The following RYR2 variants were observed in gnomAD, a reference collection of about 807,000 sequenced individuals.
RYR2 encodes the protein cardiac muscle ryanodine receptor-calcium release channel.
RYR2 carries 227 observed loss-of-function variants against 601.1 expected under a neutral mutation model. That is an observed-to-expected ratio of 0.38 (90% CI 0.34 to 0.42). The LOEUF is 0.42. RYR2 is among the 10% of genes least tolerant of loss of function. The probability of loss-of-function intolerance (pLI) is 1.00; values close to 1 mark genes in which losing one functional copy is unlikely to be tolerated. For synonymous variants in RYR2, 2,223 were observed against 2,175.1 expected (o/e 1.02, Z -0.61); for missense variants, 4,646 against 6,156.5 (o/e 0.75, Z 8.21).
At chr1:237,212,835 C>A (rs1034461433) in intron 1 of RYR2, among the ~76,000 whole-genome samples, 1 of 150,300 alleles carries the variant, frequency 6.7e-6, no homozygotes, top group African/African-American at 2.4e-5. Context: ...AGTGCAGTAG[C>A]GTGATCTCGA....
At chr1:237,541,911 C>T (rs541097220) in intron 25 of RYR2, among the ~76,000 whole-genome samples, 191 of 152,102 alleles carry the variant, frequency 1.3e-3, no homozygotes, top group African/African-American at 3.3e-3. Context: ...TCAGTTAAGG[C>T]GGGGCAGGGC....
chr1:237,601,398 G>C lies in RYR2; in HGVS notation c.4597-627G>C, dbSNP rs75365185. ...GAAAAAAGTTAATGTCATGGAAGTA[G>C]TGAATAGAATAGTGGTTATCAGAGA... On this transcript the variant is annotated intron_variant, in intron 34 of 104. Coordinates refer to ENST00000366574, the MANE Select transcript of RYR2 (RefSeq NM_001035.3). Among the ~76,000 whole-genome samples the C allele has an allele frequency of 2.3e-3, 344 of 152,268 alleles. 3 individuals are homozygous for C. Among genetic ancestry groups the C allele is most frequent in the African/African-American group, 8.0e-3 (331 of 41,550 alleles).
intron 2 of RYR2, among the ~76,000 whole-genome samples, chr1:237,273,398 C>T (rs930524664): frequency 6.6e-6 from 1 of 152,164 alleles, no homozygotes; most frequent in Non-Finnish European, 1.5e-5. Flanking sequence ...GGCCTGGTTC[C>T]TAAGGGGCCA....
At chr1:237,248,622 A>G (rs984814443) in intron 1 of RYR2, among the ~76,000 whole-genome samples, 15 of 152,180 alleles carry the variant, frequency 9.9e-5, no homozygotes, top group African/African-American at 3.6e-4. Context: ...AAAACAATGA[A>G]GGAAGGAACC....
chr1:237,591,632 G>T, intron 31 of RYR2, 107 bp from the exon 32 acceptor site: 1 of 847,104 alleles, frequency 1.2e-6, no homozygotes, highest in South Asian at 1.5e-5. Flanking sequence ...GTCCCCCAGG[G>T]AGCAAAATCG....
chr1:237,119,538 G>A (rs1670542108), intron 1 of RYR2, among the ~76,000 whole-genome samples: 1 of 152,166 alleles, frequency 6.6e-6, no homozygotes, highest in East Asian at 1.9e-4. Flanking sequence ...AGATATCCAG[G>A]TGCAGTGTCA....
chr1:237,197,423 CTG>C (rs1168784931), intron 1 of RYR2, among the ~76,000 whole-genome samples: 2 of 152,260 alleles, frequency 1.3e-5, no homozygotes, highest in African/African-American at 2.4e-5. Flanking sequence ...ACTTAATTTT[CTG>C]TGTCTTAATA....
At chr1:237,734,969 A>G (rs189042415) in intron 79 of RYR2, among the ~76,000 whole-genome samples, 25 of 152,304 alleles carry the variant, frequency 1.6e-4, no homozygotes, top group African/African-American at 6.0e-4. Context: ...GAGGAGGCCT[A>G]GGACCTAGCC....
chr1:237,665,171 C>T (rs1339656060), intron 56 of RYR2, among the ~76,000 whole-genome samples: 5 of 152,098 alleles, frequency 3.3e-5, no homozygotes, highest in East Asian at 1.9e-4. Context: ...GAGGCCGAGG[C>T]GGGTGGATCA....
chr1:237,657,332 A>G (rs1035698515), intron 53 of RYR2, among the ~76,000 whole-genome samples: 3 of 152,026 alleles, frequency 2.0e-5, no homozygotes, highest in Non-Finnish European at 4.4e-5. Flanking sequence ...AATGAATAGA[A>G]TTATGTATGT....
At chr1:237,178,453 TGTGTGTGTGTGTG>T (rs1678320626) in intron 1 of RYR2, among the ~76,000 whole-genome samples, 1 of 149,094 alleles carries the variant, frequency 6.7e-6, no homozygotes, top group African/African-American at 2.5e-5. Flanking sequence ...TGTGTGTGTG[TGTGTGTGTGTGTG>T]TGTTTAAAAG....
chr1:237,341,766 A>T, intron 3 of RYR2: 1 of 444,980 alleles, frequency 2.2e-6, no homozygotes. Context: ...TGAACATATG[A>T]TAGAGCTTTT....
chr1:237,829,731 G>A (rs1485191973), intron 102 of RYR2, among the ~76,000 whole-genome samples: 1 of 152,082 alleles, frequency 6.6e-6, no homozygotes, highest in Non-Finnish European at 1.5e-5. Context: ...AAAATACAGG[G>A]TCTCATAAAC....
intron 1 of RYR2, among the ~76,000 whole-genome samples, chr1:237,072,178 G>A (rs905732100): frequency 6.6e-6 from 1 of 152,148 alleles, no homozygotes; most frequent in African/African-American, 2.4e-5. Context: ...CTTGTTCCTC[G>A]TGCCCTCCGG....
intron 61 of RYR2, among the ~76,000 whole-genome samples, chr1:237,678,848 C>G (rs1047939896): frequency 5.3e-5 from 8 of 152,160 alleles, no homozygotes; most frequent in African/African-American, 1.9e-4. Flanking sequence ...TTGCAGTGAG[C>G]CTGAAGACCT....
intron 1 of RYR2, among the ~76,000 whole-genome samples, chr1:237,139,551 G>A (rs1200773219): frequency 6.6e-6 from 1 of 152,312 alleles, no homozygotes; most frequent in Admixed American, 6.5e-5. Context: ...TGAGATCATA[G>A]TCTTACATGA....
At chr1:237,351,854 C>CAAAAAA (rs33955032) in intron 3 of RYR2, among the ~76,000 whole-genome samples, 27 of 40,884 alleles carry the variant, frequency 6.6e-4, no homozygotes, top group Admixed American at 8.7e-4. Context: ...AAAGACCATG[C>CAAAAAA]AAAAAAAAAA....
chr1:237,672,047 A>G (rs1684995230), intron 58 of RYR2, among the ~76,000 whole-genome samples: 1 of 152,116 alleles, frequency 6.6e-6, no homozygotes, highest in South Asian at 2.1e-4. Context: ...CTTCAGCACA[A>G]GATGTCTACA....
intron 56 of RYR2, among the ~76,000 whole-genome samples, chr1:237,665,397 CAAA>C (rs71162408): frequency 1.0e-5 from 1 of 95,594 alleles, no homozygotes. Flanking sequence ...GACTCTGTCT[CAAA>C]AAAAAAAAAA....
Sources: allele counts gnomAD v4.1 joint callset (sites outside exome capture counted in the v4.1 genomes callset), GRCh38; gene constraint gnomAD v4.1.1; transcripts MANE v1.5; gene names NCBI Gene and HGNC (gene_info 2026-07-23, HGNC 2026-07-21).